Variants in PRKCB observed in about 807,000 individuals in gnomAD.
PRKCB encodes the protein protein kinase C beta.
A neutral mutation model predicts 81.5 loss-of-function variants in PRKCB; 13 were observed. That is an observed-to-expected ratio of 0.16 (90% CI 0.10 to 0.25). PRKCB has a LOEUF of 0.25. PRKCB is among the 10% of genes least tolerant of loss of function. The pLI is 1.00. For missense variants in PRKCB, 509 were observed against 875.7 expected (o/e 0.58, Z 5.29); for synonymous variants, 335 against 321.4 (o/e 1.04, Z -0.45).
chr16:24,025,506 G>A (rs1403302239), intron 3 of PRKCB, among the ~76,000 whole-genome samples: 4 of 152,216 alleles, frequency 2.6e-5, no homozygotes, highest in African/African-American at 9.7e-5. Context: ...TGTATGCCAA[G>A]TACAGTTTAT....
At chr16:24,069,431 T>A (rs1372476869) in intron 5 of PRKCB, among the ~76,000 whole-genome samples, 3 of 152,162 alleles carry the variant, frequency 2.0e-5, no homozygotes, top group African/African-American at 7.2e-5. Context: ...AGTGCTGTGC[T>A]GTGTATAGAG....
At chr16:24,018,748 A>T (rs1965319346) in intron 3 of PRKCB, among the ~76,000 whole-genome samples, 2 of 152,238 alleles carry the variant, frequency 1.3e-5, no homozygotes, top group African/African-American at 4.8e-5. Flanking sequence ...CACCCAACAC[A>T]CAAGTGTTTA....
At chr16:23,874,570 T>C (rs978723773) in intron 2 of PRKCB, among the ~76,000 whole-genome samples, 2 of 149,944 alleles carry the variant, frequency 1.3e-5, no homozygotes, top group Non-Finnish European at 3.0e-5. Flanking sequence ...TCTTCTCTCT[T>C]TTTTTTTTTT....
chr16:24,175,726 C>T (rs1322444739), intron 12 of PRKCB, among the ~76,000 whole-genome samples: 1 of 151,762 alleles, frequency 6.6e-6, no homozygotes, highest in Non-Finnish European at 1.5e-5. Flanking sequence ...AATCCCAACG[C>T]TTTGGGAGGC....
At chr16:23,887,817 G>C (rs1013462215) in intron 2 of PRKCB, among the ~76,000 whole-genome samples, 1 of 110,168 alleles carries the variant, frequency 9.1e-6, no homozygotes, top group Non-Finnish European at 2.0e-5. Context: ...TTCACCAACA[G>C]TGTAAGAGCG....
chr16:24,099,670 C>T (rs940854583), intron 7 of PRKCB: 3 of 152,122 alleles, frequency 2.0e-5, no homozygotes, highest in African/African-American at 7.2e-5. Flanking sequence ...TTGGAGTTAA[C>T]AGAAAGAAAT....
chr16:24,013,231 G>A lies in PRKCB; in HGVS notation c.289-18905G>A, dbSNP rs79306996. Among the ~76,000 whole-genome samples the A allele has an allele frequency of 3.6e-3, 545 of 152,218 alleles. 2 individuals are homozygous for A. The highest frequency in any genetic ancestry group is 5.9e-3 in the Non-Finnish European group (399 of 68,024). On this transcript the variant is annotated intron_variant, in intron 3 of 16. Coordinates refer to ENST00000643927, the MANE Select transcript of PRKCB (RefSeq NM_002738.7). The stretch of plus-strand genomic sequence containing the variant: ...CCTCTTCTTGCTGTCACATATCTTA[G>A]GGACATCTAAATATTAGGTTGGTGC...
chr16:24,135,532 C>T (rs190745673), intron 9 of PRKCB, among the ~76,000 whole-genome samples: 179 of 151,916 alleles, frequency 1.2e-3, no homozygotes, highest in African/African-American at 4.1e-3. Flanking sequence ...AGGCTGGTCT[C>T]GAACTCCTGG....
intron 3 of PRKCB, among the ~76,000 whole-genome samples, chr16:24,014,101 G>A (rs568737401): frequency 6.6e-6 from 1 of 152,300 alleles, no homozygotes; most frequent in Admixed American, 6.5e-5. Context: ...TGTGACAGAG[G>A]GTGCTGTCAG....
intron 7 of PRKCB, among the ~76,000 whole-genome samples, chr16:24,102,113 G>A (rs551601525): frequency 6.6e-6 from 1 of 152,126 alleles, no homozygotes; most frequent in Admixed American, 6.5e-5. Context: ...TTTTATTTCG[G>A]CTTTCCTGAC....
rs201643904 is a variant in PRKCB at position 23,975,927 on chromosome 16, G to GC, written c.206-12581_206-12580insC. On this transcript the variant is annotated intron_variant, in intron 2 of 16. Coordinates refer to ENST00000643927, the MANE Select transcript of PRKCB (RefSeq NM_002738.7). ...TTATTGGCTTGTACAGAGGAGTTGA[G>GC]AGTTCTTTAGGTCTGGCTGGATTTA... Among the ~76,000 whole-genome samples, 1,164 of 152,308 alleles carry GC rather than the reference G, an allele frequency of 7.6e-3. 12 individuals are homozygous for GC. The highest frequency in any genetic ancestry group is 0.01 in the Non-Finnish European group (697 of 68,032).
intron 2 of PRKCB, among the ~76,000 whole-genome samples, chr16:23,838,758 T>C (rs1962212689): frequency 6.6e-6 from 1 of 152,232 alleles, no homozygotes; most frequent in Non-Finnish European, 1.5e-5. Context: ...TGTGCTCCTC[T>C]GAGACTCTTG....
chr16:24,007,145 C>T (rs1965135822), intron 3 of PRKCB, among the ~76,000 whole-genome samples: 1 of 152,200 alleles, frequency 6.6e-6, no homozygotes, highest in African/African-American at 2.4e-5. Context: ...CTCCCTGCTT[C>T]AGTTTCCTCA....
intron 1 of PRKCB, among the ~76,000 whole-genome samples, chr16:23,836,857 CTG>C (rs1429119447): frequency 4.0e-5 from 6 of 151,730 alleles, no homozygotes; most frequent in Admixed American, 3.9e-4. Context: ...GGGCAGCGCC[CTG>C]TGTTATCTCC....
chr16:24,081,315 GA>G (rs375989467), intron 5 of PRKCB, among the ~76,000 whole-genome samples: 43 of 149,860 alleles, frequency 2.9e-4, no homozygotes, highest in Admixed American at 6.0e-4. Flanking sequence ...TCTAAAGAAA[GA>G]AAAAAAATTA....
chr16:24,084,680 A>G (rs557026512), intron 5 of PRKCB, among the ~76,000 whole-genome samples: 6 of 152,286 alleles, frequency 3.9e-5, no homozygotes, highest in African/African-American at 1.4e-4. Flanking sequence ...CTCAGCCCAC[A>G]TTTTCCGATA....
Position 24,080,977 on chromosome 16 carries a change from C to T in PRKCB, c.530-11814C>T, listed in dbSNP as rs74379019. On this transcript the variant is annotated intron_variant, in intron 5 of 16. Transcript: ENST00000643927. ...GGCTAGCATTACCCTCATACCAAAA[C>T]CAGACAAAAATAGTACAAGAAAACT... Among the ~76,000 whole-genome samples, 1,327 of 152,192 alleles carry T rather than the reference C, an allele frequency of 8.7e-3. 24 individuals are homozygous for T. The highest frequency in any genetic ancestry group is 0.03 in the African/African-American group (1,242 of 41,526).
At chr16:24,158,232 C>T (rs1398560956) in intron 10 of PRKCB, among the ~76,000 whole-genome samples, 1 of 152,152 alleles carries the variant, frequency 6.6e-6, no homozygotes, top group Non-Finnish European at 1.5e-5. Flanking sequence ...TGAAATGCTC[C>T]AATTTAAATT....
rs866783631 is a variant in PRKCB, at chr16:23,981,714, T to C, written c.206-6794T>C. On this transcript the variant is annotated intron_variant, in intron 2 of 16. Transcript: ENST00000643927. The stretch of plus-strand genomic sequence containing the variant: ...CTTCCCCTTCCCTTCCCCTTCCCTT[T>C]CCCTTCCCCTTCCCTTCCCCTTCCC... Among the ~76,000 whole-genome samples, 330 of 45,440 alleles carry C rather than the reference T, an allele frequency of 7.3e-3. 3 individuals are homozygous for C. Among genetic ancestry groups the C allele is most frequent in the African/African-American group, 0.015 (132 of 8,774 alleles). The allele number at this position is 45,440 out of a possible 152,430, so 29.8% of individuals were successfully genotyped here. A position where few individuals can be genotyped will look rare whatever the true frequency, so the allele number is the denominator to read the frequency against.
Sources: allele counts gnomAD v4.1 joint callset (sites outside exome capture counted in the v4.1 genomes callset), GRCh38; gene constraint gnomAD v4.1.1; transcripts MANE v1.5; gene names NCBI Gene and HGNC (gene_info 2026-07-23, HGNC 2026-07-21).